The following WWOX variants were observed in gnomAD, a reference collection of about 807,000 sequenced individuals.
WWOX encodes WW domain-containing oxidoreductase.
A neutral mutation model predicts 46.2 loss-of-function variants in WWOX; 69 were observed. The observed-to-expected ratio is 1.49, with a 90% CI of 1.23 to 1.82. The LOEUF is 1.82. Ranked by LOEUF, WWOX falls within the 40% of genes most tolerant of loss-of-function variation. The pLI, the probability that WWOX is intolerant of heterozygous loss-of-function variation, is 0.00. For missense variants in WWOX, 919 were observed against 542.6 expected (o/e 1.69, Z -6.89); for synonymous variants, 359 against 202.6 (o/e 1.77, Z -6.56).
chr16:79,041,784 C>T (rs2047976282), intron 8 of WWOX, among the ~76,000 whole-genome samples: 1 of 152,120 alleles, frequency 6.6e-6, no homozygotes, highest in South Asian at 2.1e-4. Flanking sequence ...TTTTTCATTC[C>T]ATACGCTTTT....
At chr16:78,321,932 G>A (rs1452369970) in intron 5 of WWOX, among the ~76,000 whole-genome samples, 1 of 152,202 alleles carries the variant, frequency 6.6e-6, no homozygotes, top group Non-Finnish European at 1.5e-5. Flanking sequence ...TTAGTTGTGA[G>A]TGGTTGTTTA....
chr16:78,605,709 G>T (rs2045740379), intron 8 of WWOX, among the ~76,000 whole-genome samples: 1 of 152,170 alleles, frequency 6.6e-6, no homozygotes, highest in Non-Finnish European at 1.5e-5. Flanking sequence ...ATATTCCTGA[G>T]TGTCTACAGA....
intron 8 of WWOX, among the ~76,000 whole-genome samples, chr16:78,773,884 A>G (rs2142529186): frequency 6.6e-6 from 1 of 152,318 alleles, no homozygotes; most frequent in Admixed American, 6.5e-5. Context: ...TCATTCGCAT[A>G]CTTGTATGGG....
At chr16:78,786,576 T>A (rs890089057) in intron 8 of WWOX, among the ~76,000 whole-genome samples, 12 of 152,330 alleles carry the variant, frequency 7.9e-5, no homozygotes, top group African/African-American at 2.4e-4. Flanking sequence ...CACTTTCCAA[T>A]AAGCCCATTT....
intron 8 of WWOX, among the ~76,000 whole-genome samples, chr16:78,795,875 G>A (rs561442493): frequency 2.0e-5 from 3 of 152,104 alleles, no homozygotes. Flanking sequence ...ATAGATGTTG[G>A]CTTTTATTAC....
At chr16:78,202,207 C>G (rs1406874537) in intron 5 of WWOX, among the ~76,000 whole-genome samples, 1 of 152,190 alleles carries the variant, frequency 6.6e-6, no homozygotes, top group Non-Finnish European at 1.5e-5. Context: ...ACAGTGTTGT[C>G]CCATCTTCCT....
intron 8 of WWOX, among the ~76,000 whole-genome samples, chr16:78,918,216 G>T (rs2045297202): frequency 6.6e-6 from 1 of 151,854 alleles, no homozygotes; most frequent in Admixed American, 6.6e-5. Context: ...TTGTCTCAAA[G>T]ATAAAAGAAA....
intron 4 of WWOX, among the ~76,000 whole-genome samples, chr16:78,133,518 C>G (rs2033680077): frequency 6.6e-6 from 1 of 152,204 alleles, no homozygotes; most frequent in African/African-American, 2.4e-5. Flanking sequence ...GCCTTGGCCT[C>G]CCAAAGTGCT....
At position 78,879,421 on chromosome 16, in the gene WWOX, A is replaced by G. The variant is rs1355662319; in HGVS notation, c.1057-332187A>G. ...TTAGTTTCTTCATGCCATAAGGGCA[A>G]AATCCACATCTCATACTTTTTCAGG... On this transcript the variant is annotated intron_variant, in intron 8 of 8. Coordinates refer to ENST00000566780, the MANE Select transcript of WWOX (RefSeq NM_016373.4). 2.6e-5 allele frequency among the ~76,000 whole-genome samples: 4 copies of G among 152,202 alleles called. No individual in the cohort carries two copies. The East Asian group carries it at 7.7e-4, about 29-fold the overall frequency.
chr16:78,410,245 T>A (rs1308230572), intron 6 of WWOX, among the ~76,000 whole-genome samples: 1 of 152,156 alleles, frequency 6.6e-6, no homozygotes, highest in Non-Finnish European at 1.5e-5. Flanking sequence ...TCGGAGCCAA[T>A]TAAATCTCTT....
chr16:78,344,001 G>A (rs13338641), intron 5 of WWOX, among the ~76,000 whole-genome samples: 3 of 117,720 alleles, frequency 2.5e-5, no homozygotes, highest in South Asian at 5.1e-4. Flanking sequence ...CCCTCATGCC[G>A]GCTCCTTCCT....
intron 8 of WWOX, among the ~76,000 whole-genome samples, chr16:79,166,767 C>A (rs1394825645): frequency 7.2e-5 from 11 of 152,220 alleles, no homozygotes; most frequent in Admixed American, 7.2e-4. Flanking sequence ...CTCTTTAACA[C>A]TGTGTTTGCA....
intron 5 of WWOX, among the ~76,000 whole-genome samples, chr16:78,285,016 A>T (rs1597444249): frequency 6.6e-6 from 1 of 152,188 alleles, no homozygotes; most frequent in Non-Finnish European, 1.5e-5. Flanking sequence ...TGTAATGATG[A>T]TGTCATTAAT....
chr16:78,748,167 T>C (rs145573922), intron 8 of WWOX, among the ~76,000 whole-genome samples: 1 of 152,240 alleles, frequency 6.6e-6, no homozygotes, highest in Non-Finnish European at 1.5e-5. Context: ...ATTGCCGAAT[T>C]CCTGAGCTAC....
At chr16:78,402,995 A>C (rs2082448489) in intron 6 of WWOX, among the ~76,000 whole-genome samples, 1 of 152,184 alleles carries the variant, frequency 6.6e-6, no homozygotes, top group South Asian at 2.1e-4. Flanking sequence ...GTCAGAGTAC[A>C]TTAATTTTTA....
chr16:78,333,042 A>ATTTTTTTTTTTTTT (rs1441535183), intron 5 of WWOX, among the ~76,000 whole-genome samples: 8 of 62,168 alleles, frequency 1.3e-4, no homozygotes, highest in Non-Finnish European at 2.3e-4. Context: ...AGAGCATTAT[A>ATTTTTTTTTTTTTT]CTTTTTTTTT....
chr16:78,765,456 A>C (rs919240210), intron 8 of WWOX, among the ~76,000 whole-genome samples: 2 of 152,118 alleles, frequency 1.3e-5, no homozygotes, highest in African/African-American at 4.8e-5. Context: ...AGGCGGGTGG[A>C]CCACCTGAGG....
At chr16:78,136,914 G>C (rs1227918413) in intron 4 of WWOX, among the ~76,000 whole-genome samples, 1 of 152,138 alleles carries the variant, frequency 6.6e-6, no homozygotes, top group Non-Finnish European at 1.5e-5. Context: ...CCTTCGCAGA[G>C]GGCAGACCCC....
At chr16:78,254,887 C>A (rs1025869378) in intron 5 of WWOX, among the ~76,000 whole-genome samples, 4 of 152,126 alleles carry the variant, frequency 2.6e-5, no homozygotes, top group African/African-American at 4.8e-5. Flanking sequence ...TACCTCAGCC[C>A]CAGTCAGGGT....
Sources: gnomAD v4.1 joint callset for allele counts (sites outside exome capture counted in the v4.1 genomes callset) on GRCh38, gnomAD v4.1.1 for gene constraint, MANE v1.5 for transcripts, NCBI Gene and HGNC (gene_info 2026-07-23, HGNC 2026-07-21) for gene names.